The following SMARCC2 variants were observed in gnomAD, a reference collection of about 807,000 sequenced individuals.
SMARCC2 encodes SWI/SNF related BAF chromatin remodeling complex subunit C2.
SMARCC2 carries 15 observed loss-of-function variants against 151.3 expected under a neutral mutation model. The ratio of observed to expected loss-of-function variants is 0.10; its 90% CI spans 0.07 to 0.15. The LOEUF (loss-of-function observed/expected upper bound fraction) is 0.15. SMARCC2 is among the 10% of genes least tolerant of loss of function. SMARCC2 has a pLI of 1.00. For synonymous variants in SMARCC2, 590 were observed against 609.5 expected (o/e 0.97, Z 0.47); for missense variants, 1,031 against 1,599.7 (o/e 0.64, Z 6.06).
rs1424277172 is a variant in SMARCC2 at position 56,163,561 on chromosome 12, C to CG, written c.*127dup. Reference sequence around the variant, plus strand: ...AGGCATGGTGAGGGCTTTGGAGGGGCGGAAGGAGCTTTCCTTACGTAGTGA... The same window carrying CG: ...AGGCATGGTGAGGGCTTTGGAGGGGCGGGAAGGAGCTTTCCTTACGTAGTGA... On this transcript the variant is annotated 3_prime_UTR_variant, in exon 29 of 29. Transcript: ENST00000550164. 1 of 495,326 alleles carries CG rather than the reference C, an allele frequency of 2.0e-6. No individual in the cohort carries two copies. Among genetic ancestry groups the CG allele is most frequent in the Admixed American group, 3.9e-5 (1 of 25,882 alleles). 30.7% of individuals were successfully genotyped at this position (495,326 alleles called of 1,614,324 possible). A position where few individuals can be genotyped will look rare whatever the true frequency, so the allele number is the denominator to read the frequency against.
At position 56,164,228 on chromosome 12, in the gene SMARCC2, C is replaced by T. The variant is rs915780995; in HGVS notation, c.3661+75G>A. On this transcript the variant is annotated intron_variant, in intron 28 of 28. Transcript: ENST00000550164. ...TGGAAACTCTAATACCTGACCTCTTCCCCACCTGCCCGCTCACCCTCCCTC... is the reference window on the plus strand; with the variant it reads ...TGGAAACTCTAATACCTGACCTCTTTCCCACCTGCCCGCTCACCCTCCCTC... The T allele has an allele frequency of 2.9e-6, 4 of 1,364,488 alleles. No individual in the cohort carries two copies. In the South Asian group the frequency reaches 3.6e-5, roughly 12 times the overall value. 84.5% of individuals were successfully genotyped at this position (1,364,488 alleles called of 1,614,324 possible).
chr12:56,186,738 C>T (rs1877339177), intron 2 of SMARCC2: 2 of 182,716 alleles, frequency 1.1e-5, no homozygotes, highest in Non-Finnish European at 2.3e-5. Flanking sequence ...GAAAGCACCA[C>T]CTTGTGCTAA....
intron 28 of SMARCC2, 77 bp downstream of exon 28, chr12:56,164,226 T>C (rs1242645863): frequency 8.1e-5 from 110 of 1,353,628 alleles, no homozygotes; most frequent in Non-Finnish European, 1.1e-4. Context: ...ACCTGACCTC[T>C]TCCCCACCTG....
intron 28 of SMARCC2, 150 bp from the exon 29 acceptor site, chr12:56,163,915 C>T: frequency 1.8e-6 from 1 of 553,100 alleles, no homozygotes; most frequent in Non-Finnish European, 3.1e-6. Context: ...GTTCCCAACA[C>T]TCTTTTCTAC....
intron 27 of SMARCC2, 111 bp downstream of exon 27, chr12:56,165,207 G>T: frequency 7.5e-7 from 1 of 1,330,136 alleles, no homozygotes; most frequent in Non-Finnish European, 9.8e-7. Flanking sequence ...CCCATCTGTA[G>T]AAATTGAGGC....
chr12:56,183,142 C>T (rs758425879), intron 7 of SMARCC2, among the ~76,000 whole-genome samples: 10 of 151,786 alleles, frequency 6.6e-5, no homozygotes, highest in East Asian at 1.9e-4. Flanking sequence ...ACCCAGCCTA[C>T]GTGCTATTTT....
In SMARCC2 at chr12:56,162,951, C is replaced by T. The variant is rs1805528310; in HGVS notation, c.*738G>A. 6.6e-6 allele frequency: 1 copy of T among 152,412 alleles called. No individual in the cohort carries two copies. 9.4% of individuals were successfully genotyped at this position (152,412 alleles called of 1,614,324 possible). On this transcript the variant is annotated 3_prime_UTR_variant, in exon 29 of 29. Coordinates refer to ENST00000550164, the MANE Select transcript of SMARCC2 (RefSeq NM_001330288.2). ...ACAGAAATCCCCGAAATTAGGTTTTCCCCACCAAATACACATACGCTGACA... is the reference window on the plus strand; with the variant it reads ...ACAGAAATCCCCGAAATTAGGTTTTTCCCACCAAATACACATACGCTGACA...
intron 15 of SMARCC2, among the ~76,000 whole-genome samples, chr12:56,177,704 T>A (rs949085253): frequency 6.6e-6 from 1 of 151,926 alleles, no homozygotes; most frequent in Non-Finnish European, 1.5e-5. Flanking sequence ...GCTAGGAATA[T>A]CTGCAGTATA....
At position 56,181,848 on chromosome 12, in the gene SMARCC2, G is replaced by C. The variant is rs199769527; in HGVS notation, c.709-13C>G. ...ACTTTGCATGAACCTAAAGTACAAA[G>C]GCAGATCATGCTGCAGAGAAGCCTG... On this transcript the variant is annotated splice_polypyrimidine_tract_variant and intron_variant, in intron 8 of 28. Coordinates refer to ENST00000550164, the MANE Select transcript of SMARCC2 (RefSeq NM_001330288.2). 1.2e-6 allele frequency: 2 copies of C among 1,613,958 alleles called. No individual in the cohort carries two copies. The highest frequency in any genetic ancestry group is 1.7e-5 in the Admixed American group (1 of 59,990).
In SMARCC2 at chr12:56,169,857, C is replaced by T. The variant is rs770215299; in HGVS notation, c.2467G>A (p.Glu823Lys). 1.3e-5 allele frequency: 21 copies of T among 1,613,986 alleles called. No individual in the cohort carries two copies. In the South Asian group the frequency reaches 1.3e-4, roughly 10 times the overall value. ...IEEEAKEKTS[E>K]APKKDEEKGK... ...TTCTCCTCATCCTTCTTGGGAGCCT[C>T]GCTGGTTTTCTCTTTTGCTTCCTCC... The change falls in exon 24 of 29, where the codon GAG becomes AAG. Residue 823 changes from glutamate to lysine, a missense_variant. Transcript: ENST00000550164.
At position 56,173,818 on chromosome 12, in the gene SMARCC2, T is replaced by C. The variant is rs1384714183; in HGVS notation, c.1528A>G (p.Ile510Val). 1.2e-6 allele frequency: 2 copies of C among 1,613,852 alleles called. No homozygotes were observed. The highest frequency in any genetic ancestry group is 3.3e-5 in the Admixed American group (2 of 59,994). ...VHAFLEQWGL[I>V]NYQVDAESRP... ...CTCTCAGCATCCACCTGGTAGTTAA[T>C]AAGACCCCACTGTTCTAGGAAGGCA... The change falls in exon 17 of 29, where the codon ATT (isoleucine) becomes GTT (valine). Residue 510 changes from isoleucine to valine, a missense_variant. Ile to Val is a conservative substitution (Grantham distance 29, BLOSUM62 3). Transcript: ENST00000550164.
At chr12:56,166,728 C>T (rs2135648280) in intron 26 of SMARCC2, among the ~76,000 whole-genome samples, 1 of 150,762 alleles carries the variant, frequency 6.6e-6, no homozygotes, top group African/African-American at 2.4e-5. Flanking sequence ...TAGCTGGGAC[C>T]ACAGGCTCGC....
Position 56,178,532 on chromosome 12 carries a change from A to G in SMARCC2, c.1182T>C (p.Asp394=). 1 of 1,614,156 alleles carries G rather than the reference A, an allele frequency of 6.2e-7. No homozygotes were observed. Among genetic ancestry groups the G allele is most frequent in the South Asian group, 1.1e-5 (1 of 91,082 alleles). The change falls in exon 14 of 29, where the codon GAT becomes GAC. Residue 394 remains aspartate, a splice_region_variant and synonymous_variant. Transcript: ENST00000550164. The stretch of plus-strand genomic sequence containing the variant: ...TGTTCCCCGTACTGTTCTCATCCTC[A>G]TCCTACGAGTATGGAGGCTGCTGGA... ...EDESMETTGK[D]EDENSTGNKG...
At chr12:56,173,559 C>T (rs1874357903) in intron 17 of SMARCC2, 137 bp downstream of exon 17, 17 of 760,094 alleles carry the variant, frequency 2.2e-5, no homozygotes, top group South Asian at 3.6e-5. Flanking sequence ...GGCTGATTCC[C>T]GTGACCCTTT....
Position 56,174,780 on chromosome 12 carries a change from G to A in SMARCC2, c.1383-16C>T, listed in dbSNP as rs1212244177. The A allele has an allele frequency of 3.3e-6, 5 of 1,502,082 alleles. No individual in the cohort carries two copies. The South Asian group carries it at 5.6e-5, about 17-fold the overall frequency. The allele number at this position is 1,502,082 out of a possible 1,614,324, so 93.0% of individuals were successfully genotyped here. A position where few individuals can be genotyped will look rare whatever the true frequency, so the allele number is the denominator to read the frequency against. On this transcript the variant is annotated splice_polypyrimidine_tract_variant and intron_variant, in intron 15 of 28. Coordinates refer to ENST00000550164, the MANE Select transcript of SMARCC2 (RefSeq NM_001330288.2). ...GGCCAGGTAGCTTAGAAGAAAGAGA[G>A]AGAGAAACAAGAAGAAGAAAAATAA...
At chr12:56,176,352 G>A (rs1874965252) in intron 15 of SMARCC2, among the ~76,000 whole-genome samples, 1 of 152,266 alleles carries the variant, frequency 6.6e-6, no homozygotes, top group African/African-American at 2.4e-5. Flanking sequence ...CTGTGGAATA[G>A]CTGGGAAGAA....
chr12:56,165,328 A>AGG lies in SMARCC2; in HGVS notation c.3220_3221dup (p.Gly1075LeufsTer18), dbSNP rs752001894. Reference sequence around the variant, plus strand: ...GAACATAACACTTACCATGGGGTCCAGGGGGGGGAACCCCTGGTGGGACTG... The same window carrying AGG: ...GAACATAACACTTACCATGGGGTCCAGGGGGGGGGGAACCCCTGGTGGGACTG... On this transcript the variant is annotated frameshift_variant, in exon 27 of 29. Transcript: ENST00000550164. LOFTEE classifies it high-confidence loss of function. 6.7e-7 allele frequency: 1 copy of AGG among 1,490,922 alleles called. No individual in the cohort carries two copies. The allele number at this position is 1,490,922 out of a possible 1,614,324, so 92.4% of individuals were successfully genotyped here.
intron 23 of SMARCC2, 36 bp from the exon 24 acceptor site, chr12:56,169,947 G>A (rs1486160254): frequency 2.5e-6 from 4 of 1,597,348 alleles, no homozygotes; most frequent in Non-Finnish European, 3.4e-6. Flanking sequence ...GAGTTATCAG[G>A]GATTAGGGTG....
Position 56,189,403 on chromosome 12 carries a change from G to GC in SMARCC2, c.58_59insG (p.Thr20SerfsTer23). On this transcript the variant is annotated frameshift_variant, in exon 1 of 29. Transcript: ENST00000550164. LOFTEE classifies it high-confidence loss of function. ...CCGCACGTTGTCGAACTGGGTCACG[G>GC]TGTCCGCGGCCTCGTAGTACTTCAC... 1 of 1,542,168 alleles carries GC rather than the reference G, an allele frequency of 6.5e-7. No individual in the cohort carries two copies. The highest frequency in any genetic ancestry group is 8.8e-7 in the Non-Finnish European group (1 of 1,141,648).
Sources: allele counts gnomAD v4.1 joint callset (sites outside exome capture counted in the v4.1 genomes callset), GRCh38; gene constraint gnomAD v4.1.1; transcripts MANE v1.5; gene names NCBI Gene and HGNC (gene_info 2026-07-23, HGNC 2026-07-21).